SLCO1A2: variants seen among roughly 807,000 people sequenced by gnomAD.
SLCO1A2 encodes solute carrier organic anion transporter family member 1A2.
SLCO1A2 carries 67 observed loss-of-function variants against 69.0 expected under a neutral mutation model. The observed-to-expected ratio is 0.97, with a 90% CI of 0.80 to 1.19. The LOEUF (loss-of-function observed/expected upper bound fraction) is 1.19. Among genes scored for constraint, SLCO1A2 ranks in the 50% most tolerant of loss-of-function variants. The pLI is 0.00. For synonymous variants in SLCO1A2, 260 were observed against 265.9 expected (o/e 0.98, Z 0.22); for missense variants, 787 against 793.7 (o/e 0.99, Z 0.10).
At chr12:21,349,910 A>C (rs1305073466) in intron 2 of SLCO1A2, among the ~76,000 whole-genome samples, 1 of 152,188 alleles carries the variant, frequency 6.6e-6, no homozygotes, top group Non-Finnish European at 1.5e-5. Context: ...TAAAGTTGTT[A>C]GACTTTAAGT....
At chr12:21,388,592 T>C (rs564292266) in intron 1 of SLCO1A2, among the ~76,000 whole-genome samples, 17 of 152,276 alleles carry the variant, frequency 1.1e-4, no homozygotes, top group African/African-American at 4.1e-4. Context: ...AAATCTCTCT[T>C]TATTTATAAA....
intron 2 of SLCO1A2, among the ~76,000 whole-genome samples, chr12:21,371,950 C>T (rs1472788861): frequency 6.6e-6 from 1 of 150,628 alleles, no homozygotes; most frequent in African/African-American, 2.4e-5. Context: ...TACAGTGAGC[C>T]GAGATCGCAC....
At chr12:21,373,237 T>C in intron 2 of SLCO1A2, 1 of 778,896 alleles carries the variant, frequency 1.3e-6, no homozygotes, top group Admixed American at 2.1e-5. Flanking sequence ...AATTACGTTT[T>C]AAAAAGATGT....
chr12:21,281,544 T>C (rs1303159356), intron 12 of SLCO1A2, among the ~76,000 whole-genome samples: 3 of 149,522 alleles, frequency 2.0e-5, no homozygotes, highest in Non-Finnish European at 4.5e-5. Context: ...AGAAAAGAAA[T>C]AATAAAGATC....
intron 8 of SLCO1A2, among the ~76,000 whole-genome samples, chr12:21,299,869 T>TATGTGTATATATATATAC (rs1948419748): frequency 9.2e-6 from 1 of 108,370 alleles, no homozygotes; most frequent in African/African-American, 3.3e-5. Flanking sequence ...TATATATACG[T>TATGTGTATATATATATAC]GTGTGTATAT....
intron 7 of SLCO1A2, 66 bp from the exon 8 acceptor site, chr12:21,300,635 T>A: frequency 8.0e-7 from 1 of 1,246,486 alleles, no homozygotes; most frequent in Non-Finnish European, 1.1e-6. Context: ...TATAGAAAAT[T>A]ATTAAAATTA....
intron 5 of SLCO1A2, 131 bp from the exon 6 acceptor site, chr12:21,304,704 T>C (rs1949137707): frequency 1.2e-6 from 1 of 867,546 alleles, no homozygotes; most frequent in African/African-American, 1.7e-5. Context: ...ATATTACTAT[T>C]CCAGCAGTGA....
At chr12:21,309,868 G>A (rs746457310) in intron 4 of SLCO1A2, among the ~76,000 whole-genome samples, 4 of 152,166 alleles carry the variant, frequency 2.6e-5, no homozygotes, top group Non-Finnish European at 5.9e-5. Context: ...ATTGCAGATG[G>A]AGAATTGAAA....
At chr12:21,293,841 G>T in intron 11 of SLCO1A2, 104 bp downstream of exon 11, 1 of 911,538 alleles carries the variant, frequency 1.1e-6, no homozygotes, top group South Asian at 2.4e-5. Context: ...AAGTAATATG[G>T]TTTTGAGGAA....
intron 4 of SLCO1A2, 37 bp downstream of exon 4, chr12:21,314,512 A>C (rs939657725): frequency 9.3e-6 from 15 of 1,612,258 alleles, no homozygotes; most frequent in African/African-American, 1.3e-5. Flanking sequence ...TGCAAGTGAA[A>C]TTTGACCACC....
At chr12:21,285,998 G>A (rs1035691376) in intron 12 of SLCO1A2, among the ~76,000 whole-genome samples, 2 of 152,158 alleles carry the variant, frequency 1.3e-5, no homozygotes, top group African/African-American at 4.8e-5. Context: ...AGTGTCGGAA[G>A]TTCTGGCCAG....
chr12:21,278,386 GAACA>G (rs1162033120), intron 12 of SLCO1A2, among the ~76,000 whole-genome samples: 2 of 152,030 alleles, frequency 1.3e-5, no homozygotes, highest in Non-Finnish European at 2.9e-5. Context: ...GTTGGGTCTT[GAACA>G]AACATAGGTG....
chr12:21,400,880 G>T (rs1346341260), intron 1 of SLCO1A2, among the ~76,000 whole-genome samples: 1 of 105,912 alleles, frequency 9.4e-6, no homozygotes, highest in Non-Finnish European at 1.9e-5. Flanking sequence ...ACTGTTGTGG[G>T]GTGGGGGGAG....
At position 21,292,180 on chromosome 12, in the gene SLCO1A2, A is replaced by G; in HGVS notation, c.1594T>C (p.Tyr532His). The G allele has an allele frequency of 6.2e-7, 1 of 1,600,456 alleles. No individual in the cohort carries two copies. The highest frequency in any genetic ancestry group is 1.7e-4 in the Middle Eastern group (1 of 6,024). The part of the protein sequence containing the change: ...FIYSLAAIPG[Y>H]MVLLRCMKSE... ...ATTTTGTACCTCAAGAGAACCATAT[A>G]TCCAGGTATGGCAGCCAAAGAATAA... Residue 532 changes from tyrosine (Y) to histidine (H), a missense_variant, in exon 12 of 15, where the codon TAT (tyrosine) becomes CAT (histidine). Coordinates refer to ENST00000683939, the MANE Select transcript of SLCO1A2 (RefSeq NM_001386879.1).
Position 21,295,712 on chromosome 12 carries a change from G to T in SLCO1A2, c.1156C>A (p.Gln386Lys). Residue 386 changes from glutamine (Q) to lysine (K), a missense_variant, in exon 10 of 15, where the codon CAA becomes AAA. By Grantham distance (53) the Gln-to-Lys change is moderately conservative. Coordinates refer to ENST00000683939, the MANE Select transcript of SLCO1A2 (RefSeq NM_001386879.1). ...AACCAACATCCTATGTGGGCAGCTT[G>T]TTTGACAGTAATCTTGAACTTCTTC... ...IMKKFKITVK[Q>K]AAHIGCWLSL... 6.2e-7 allele frequency: 1 copy of T among 1,607,762 alleles called. No individual in the cohort carries two copies. Among genetic ancestry groups the T allele is most frequent in the South Asian group, 1.1e-5 (1 of 90,920 alleles).
chr12:21,288,794 A>AT (rs1946373272), intron 12 of SLCO1A2, among the ~76,000 whole-genome samples: 1 of 151,914 alleles, frequency 6.6e-6, no homozygotes, highest in African/African-American at 2.4e-5. Flanking sequence ...ATATACACCT[A>AT]CTATATACCC....
At chr12:21,364,046 A>T (rs917956190) in intron 2 of SLCO1A2, among the ~76,000 whole-genome samples, 1 of 152,248 alleles carries the variant, frequency 6.6e-6, no homozygotes, top group Non-Finnish European at 1.5e-5. Flanking sequence ...CAGTCATTTT[A>T]TGAGGCCAGC....
At chr12:21,381,467 T>C (rs1331740036) in intron 1 of SLCO1A2, among the ~76,000 whole-genome samples, 1 of 152,122 alleles carries the variant, frequency 6.6e-6, no homozygotes, top group Non-Finnish European at 1.5e-5. Flanking sequence ...CACAGTGAGA[T>C]ACCACCTTAC....
chr12:21,401,222 CA>C (rs747186010), intron 1 of SLCO1A2, among the ~76,000 whole-genome samples: 2 of 151,508 alleles, frequency 1.3e-5, no homozygotes, highest in African/African-American at 2.4e-5. Flanking sequence ...TTGTAAATCA[CA>C]AAAAAGTTCC....
Sources: allele counts gnomAD v4.1 joint callset (sites outside exome capture counted in the v4.1 genomes callset), GRCh38; gene constraint gnomAD v4.1.1; transcripts MANE v1.5; gene names NCBI Gene and HGNC (gene_info 2026-07-23, HGNC 2026-07-21).